Variants in DPEP1 observed in about 807,000 individuals in gnomAD.
DPEP1 encodes beta-lactamase.
In DPEP1, 50 loss-of-function variants were observed where a neutral mutation model predicts 42.3. The observed-to-expected ratio is 1.18, with a 90% CI of 0.94 to 1.50. The LOEUF is 1.50. DPEP1 is among the 40% of genes most tolerant of loss of function. The probability of loss-of-function intolerance (pLI) is 0.00; values close to 1 mark genes in which losing one functional copy is unlikely to be tolerated. For synonymous variants in DPEP1, 297 were observed against 234.0 expected (o/e 1.27, Z -2.46); for missense variants, 663 against 553.0 (o/e 1.20, Z -1.99).
At chr16:89,626,650 A>G (rs767400429) in intron 1 of DPEP1, among the ~76,000 whole-genome samples, 11 of 151,692 alleles carry the variant, frequency 7.3e-5, no homozygotes, top group Non-Finnish European at 1.2e-4. Flanking sequence ...CACCGCACCC[A>G]GCCTAAGATC....
chr16:89,635,422 G>T (rs1260147467), intron 2 of DPEP1, among the ~76,000 whole-genome samples: 1 of 152,214 alleles, frequency 6.6e-6, no homozygotes, highest in Non-Finnish European at 1.5e-5. Flanking sequence ...TCCCCAGGAG[G>T]ATGGGGGTCC....
rs145664433 is a variant in DPEP1, at chr16:89,638,170, G to T, written c.1184G>T (p.Gly395Val). 1.2e-6 allele frequency: 2 copies of T among 1,604,460 alleles called. No homozygotes were observed. The highest frequency in any genetic ancestry group is 1.7e-6 in the Non-Finnish European group (2 of 1,174,366). ...SGASSLHRHW[G>V]LLLASLAPLV... Reference sequence around the variant, plus strand: ...GCTTCCAGCCTCCATCGCCACTGGGGGCTCCTGCTGGCCTCCCTCGCTCCC... The same window carrying T: ...GCTTCCAGCCTCCATCGCCACTGGGTGCTCCTGCTGGCCTCCCTCGCTCCC... The change falls in exon 11 of 11, where the codon GGG becomes GTG. Residue 395 changes from glycine (G) to valine (V), a missense_variant. Physicochemically the swap from Gly to Val is moderately radical, Grantham distance 109. Transcript: ENST00000690203.
rs1183619208 is a variant in DPEP1, at chr16:89,638,251, G to A, written c.*29G>A. On this transcript the variant is annotated 3_prime_UTR_variant, in exon 11 of 11. Transcript: ENST00000690203. ...CTGGGAGACCAGAGTCCCCTTTAGG[G>A]TTCCCGGAGCTCCGGGAAGACCCGC... The A allele has an allele frequency of 4.7e-6, 7 of 1,503,804 alleles. No individual in the cohort carries two copies. The highest frequency in any genetic ancestry group is 6.2e-6 in the Non-Finnish European group (7 of 1,123,430). The allele number at this position is 1,503,804 out of a possible 1,614,324, so 93.2% of individuals were successfully genotyped here.
chr16:89,614,520 C>G (rs956729279), intron 1 of DPEP1, among the ~76,000 whole-genome samples: 1 of 152,208 alleles, frequency 6.6e-6, no homozygotes, highest in Non-Finnish European at 1.5e-5. Flanking sequence ...TGTGGCCGGG[C>G]GCGGTGGCTC....
intron 1 of DPEP1, among the ~76,000 whole-genome samples, chr16:89,627,771 C>T (rs1353758060): frequency 4.2e-5 from 6 of 144,282 alleles, no homozygotes; most frequent in African/African-American, 1.6e-4. Flanking sequence ...AGTGATTCTC[C>T]TCCAAAAGCC....
intron 1 of DPEP1, among the ~76,000 whole-genome samples, chr16:89,625,969 A>C (rs1190299860): frequency 1.3e-5 from 2 of 152,160 alleles, no homozygotes; most frequent in African/African-American, 4.8e-5. Context: ...GTGTTGAATT[A>C]AGTCCGTGGC....
chr16:89,616,703 C>A (rs928872679), intron 1 of DPEP1, among the ~76,000 whole-genome samples: 2 of 151,982 alleles, frequency 1.3e-5, no homozygotes, highest in African/African-American at 4.8e-5. Flanking sequence ...GCACACTCCG[C>A]GAAGGGCAGT....
chr16:89,620,774 A>G (rs1259446486), intron 1 of DPEP1: 2 of 151,442 alleles, frequency 1.3e-5, no homozygotes, highest in South Asian at 2.1e-4. Context: ...TGTCCCGCGC[A>G]TGGTGAGTCT....
At chr16:89,616,583 G>A (rs887573092) in intron 1 of DPEP1, among the ~76,000 whole-genome samples, 5 of 152,314 alleles carry the variant, frequency 3.3e-5, no homozygotes, top group African/African-American at 7.2e-5. Flanking sequence ...TTCTGGTTCT[G>A]GCACTGGGAC....
chr16:89,626,973 G>C lies in DPEP1; in HGVS notation c.-106-3332G>C, dbSNP rs902732029. Among the ~76,000 whole-genome samples, 6 of 151,244 alleles carry C rather than the reference G, an allele frequency of 4.0e-5. No homozygotes were observed. In the East Asian group the frequency reaches 1.2e-3, roughly 30 times the overall value. ...TGTAGTAAAAATAAAAAATTAGTCAGACGTGGGGCCAGGTATGGTGGCTCA... is the reference window on the plus strand; with the variant it reads ...TGTAGTAAAAATAAAAAATTAGTCACACGTGGGGCCAGGTATGGTGGCTCA... On this transcript the variant is annotated intron_variant, in intron 1 of 10. Transcript: ENST00000690203.
At chr16:89,620,999 C>T (rs2280374) in intron 1 of DPEP1, among the ~76,000 whole-genome samples, 10,773 of 152,100 alleles carry the variant, frequency 0.071, 573 homozygotes, top group East Asian at 0.23. Flanking sequence ...AGGATGGAAC[C>T]GGGTGGGGGG....
At chr16:89,625,678 A>C (rs1332149980) in intron 1 of DPEP1, among the ~76,000 whole-genome samples, 1 of 152,148 alleles carries the variant, frequency 6.6e-6, no homozygotes, top group Non-Finnish European at 1.5e-5. Flanking sequence ...GCAGGAGAAG[A>C]AAGGCAACTG....
At chr16:89,615,794 G>A (rs895748221) in intron 1 of DPEP1, among the ~76,000 whole-genome samples, 2 of 152,212 alleles carry the variant, frequency 1.3e-5, no homozygotes, top group African/African-American at 4.8e-5. Context: ...GTCAACACGG[G>A]GGCCCCGGGG....
Position 89,634,290 on chromosome 16 carries a change from T to C in DPEP1, c.105-1618T>C, listed in dbSNP as rs1174570905. ...TTTTAGTAGAGACGGGGTTTCACCA[T>C]GTTAGCCAGGATGATCTCGATCTCC... On this transcript the variant is annotated intron_variant, in intron 2 of 10. Transcript: ENST00000690203. 3.3e-5 allele frequency among the ~76,000 whole-genome samples: 5 copies of C among 152,088 alleles called. No individual in the cohort carries two copies. In the South Asian group the frequency reaches 8.3e-4, roughly 25 times the overall value.
chr16:89,638,415 A>C lies in DPEP1; in HGVS notation c.*193A>C. 7.4e-7 allele frequency: 1 copy of C among 1,342,314 alleles called. No individual in the cohort carries two copies. Among genetic ancestry groups the C allele is most frequent in the African/African-American group, 1.5e-5 (1 of 67,094 alleles). The allele number at this position is 1,342,314 out of a possible 1,614,324, so 83.2% of individuals were successfully genotyped here. ...ACACACACACAGTAGGCCCGCAATA[A>C]AAGCAACACCCCTTCACATCCTGGG... On this transcript the variant is annotated 3_prime_UTR_variant, in exon 11 of 11. Transcript: ENST00000690203.
At position 89,636,529 on chromosome 16, in the gene DPEP1, G is replaced by A. The variant is rs368576536; in HGVS notation, c.371-4G>A. 4.6e-5 allele frequency: 74 copies of A among 1,611,770 alleles called. No homozygotes were observed. The African/African-American group carries it at 7.1e-4, about 15-fold the overall frequency. On this transcript the variant is annotated splice_polypyrimidine_tract_variant and splice_region_variant and intron_variant, in intron 4 of 10. Transcript: ENST00000690203. Reference sequence around the variant, plus strand: ...ACTCCCCTGCACCCTGACTCTCCCCGCAGGCATTCGGCAGGCCTTCCGGGA... The same window carrying A: ...ACTCCCCTGCACCCTGACTCTCCCCACAGGCATTCGGCAGGCCTTCCGGGA...
rs749302102 is a variant in DPEP1 at position 89,636,569 on chromosome 16, GCC to G, written c.408_409del (p.Leu137AspfsTer10). The G allele has an allele frequency of 6.2e-6, 10 of 1,612,476 alleles. No individual in the cohort carries two copies. Among genetic ancestry groups the G allele is most frequent in the Non-Finnish European group, 7.6e-6 (9 of 1,179,862 alleles). On this transcript the variant is annotated frameshift_variant, in exon 5 of 11. Coordinates refer to ENST00000690203, the MANE Select transcript of DPEP1 (RefSeq NM_001389466.1). LOFTEE classifies it high-confidence loss of function. The stretch of plus-strand genomic sequence containing the variant: ...GCCTTCCGGGAAGGGAAGGTGGCCA[GCC>G]TGATCGGCGTGGAGGGCGGCCACTC...
downstream of DPEP1, chr16:89,640,472 G>A (rs2059734912): frequency 2.5e-5 from 19 of 773,656 alleles, no homozygotes; most frequent in Middle Eastern, 6.4e-4. Flanking sequence ...AGGGGGCTCC[G>A]GGGTCCATGC....
intron 1 of DPEP1, among the ~76,000 whole-genome samples, chr16:89,627,687 G>GTCTTGC (rs2059533166): frequency 9.7e-6 from 1 of 103,192 alleles, no homozygotes; most frequent in Non-Finnish European, 1.8e-5. Flanking sequence ...TTGAAACGGA[G>GTCTTGC]TCTTGCTCTG....
Sources: gnomAD v4.1 joint callset for allele counts (sites outside exome capture counted in the v4.1 genomes callset) on GRCh38, gnomAD v4.1.1 for gene constraint, MANE v1.5 for transcripts, NCBI Gene and HGNC (gene_info 2026-07-23, HGNC 2026-07-21) for gene names.